The following SSR3 variants were observed in gnomAD, a reference collection of about 807,000 sequenced individuals.
SSR3 encodes signal sequence receptor subunit 3.
Under a neutral mutation model 22.1 loss-of-function variants are expected in SSR3, and 10 were observed. That is an observed-to-expected ratio of 0.45 (90% confidence interval 0.28 to 0.77). The LOEUF is 0.77. Ranked by LOEUF, SSR3 falls within the 30% of genes least tolerant of loss-of-function variation. SSR3 has a pLI of 0.13. For synonymous variants in SSR3, 104 were observed against 82.5 expected (o/e 1.26, Z -1.42); for missense variants, 181 against 220.5 (o/e 0.82, Z 1.13).
At chr3:156,554,861 G>A in intron 1 of SSR3, 96 bp downstream of exon 1, 3 of 1,489,876 alleles carry the variant, frequency 2.0e-6, no homozygotes, top group Non-Finnish European at 2.7e-6. Context: ...CCCCCGGCCG[G>A]CACCCACGCC....
intron 3 of SSR3, among the ~76,000 whole-genome samples, chr3:156,547,074 CTG>C (rs1322892615): frequency 1.3e-5 from 2 of 152,136 alleles, no homozygotes; most frequent in African/African-American, 4.8e-5. Context: ...ACAGTACAAA[CTG>C]TATCCCGTAT....
chr3:156,549,332 G>A (rs894324913), intron 2 of SSR3, among the ~76,000 whole-genome samples: 1 of 152,186 alleles, frequency 6.6e-6, no homozygotes, highest in Non-Finnish European at 1.5e-5. Flanking sequence ...ACTACATTTT[G>A]TTTTAACCTA....
At position 156,541,798 on chromosome 3, in the gene SSR3, A is replaced by G. The variant is rs1267489443; in HGVS notation, c.*1405T>C. The G allele has an allele frequency of 2.0e-5, 3 of 152,208 alleles. No individual in the cohort carries two copies. The highest frequency in any genetic ancestry group is 4.4e-5 in the Non-Finnish European group (3 of 68,028). The allele number at this position is 152,208 out of a possible 1,614,324, so 9.4% of individuals were successfully genotyped here. A position where few individuals can be genotyped will look rare whatever the true frequency, so the allele number is the denominator to read the frequency against. On this transcript the variant is annotated 3_prime_UTR_variant, in exon 5 of 5. Coordinates refer to ENST00000265044, the MANE Select transcript of SSR3 (RefSeq NM_007107.5). The stretch of plus-strand genomic sequence containing the variant: ...AGACTTCTAGAAGCAATGATGAAAT[A>G]TAATTCTCAGTTGCAGAAAATGATG...
intron 3 of SSR3, among the ~76,000 whole-genome samples, chr3:156,547,347 C>T (rs1719803118): frequency 1.3e-5 from 2 of 152,114 alleles, no homozygotes; most frequent in Admixed American, 1.3e-4. Flanking sequence ...CAAATCTGCC[C>T]AAGACTGCAG....
At chr3:156,543,686 A>C (rs1011280753) in intron 4 of SSR3, among the ~76,000 whole-genome samples, 1 of 152,228 alleles carries the variant, frequency 6.6e-6, no homozygotes, top group African/African-American at 2.4e-5. Flanking sequence ...GGAGGTTCTA[A>C]AAGTTCGAAG....
intron 2 of SSR3, 40 bp from the exon 3 acceptor site, chr3:156,549,043 A>G (rs757459839): frequency 6.3e-7 from 1 of 1,576,720 alleles, no homozygotes; most frequent in Non-Finnish European, 8.6e-7. Context: ...TCCATATGCT[A>G]CAGAGGTGAA....
In SSR3 at chr3:156,553,637, C is replaced by G; in HGVS notation, c.260+18G>C. On this transcript the variant is annotated intron_variant, in intron 2 of 4. Transcript: ENST00000265044. Reference sequence around the variant, plus strand: ...ATATAACATGTAGTACGTACTTTCACTTGAAAAACATACTTACTTGTGCTT... The same window carrying G: ...ATATAACATGTAGTACGTACTTTCAGTTGAAAAACATACTTACTTGTGCTT... 6.2e-7 allele frequency: 1 copy of G among 1,607,892 alleles called. No homozygotes were observed. Among genetic ancestry groups the G allele is most frequent in the Non-Finnish European group, 8.5e-7 (1 of 1,178,624 alleles).
chr3:156,542,063 T>G lies in SSR3; in HGVS notation c.*1140A>C, dbSNP rs1262348708. 1 of 152,226 alleles carries G rather than the reference T, an allele frequency of 6.6e-6. No individual in the cohort carries two copies. The highest frequency in any genetic ancestry group is 1.9e-4 in the East Asian group (1 of 5,204). 9.4% of individuals were successfully genotyped at this position (152,226 alleles called of 1,614,324 possible). ...TTGTAGGAAATTACTGAATGACAAC[T>G]GCTATCACCTGTGATTTCATATCCT... is the stretch of plus-strand genomic sequence containing the variant. On this transcript the variant is annotated 3_prime_UTR_variant, in exon 5 of 5. Transcript: ENST00000265044.
chr3:156,547,174 T>C (rs114835668), intron 3 of SSR3, among the ~76,000 whole-genome samples: 1,645 of 152,294 alleles, frequency 0.011, 26 homozygotes, highest in African/African-American at 0.038. Flanking sequence ...TGCACTTATA[T>C]ATATCCATGA....
intron 2 of SSR3, 87 bp from the exon 3 acceptor site, chr3:156,549,090 T>C: frequency 7.5e-7 from 1 of 1,335,512 alleles, no homozygotes; most frequent in Non-Finnish European, 1.0e-6. Flanking sequence ...TACTCATATT[T>C]CGTACTGGCA....
At position 156,540,312 on chromosome 3, in the gene SSR3, A is replaced by G. The variant is rs972002236; in HGVS notation, c.*2891T>C. 1 of 152,212 alleles carries G rather than the reference A, an allele frequency of 6.6e-6. No homozygotes were observed. Among genetic ancestry groups the G allele is most frequent in the African/African-American group, 2.4e-5 (1 of 41,442 alleles). 9.4% of individuals were successfully genotyped at this position (152,212 alleles called of 1,614,324 possible). ...AACCAGTAAACTTTTATTGCTTAAG[A>G]ATATCAATCTAGGCCGGGCGCGGTG... On this transcript the variant is annotated 3_prime_UTR_variant, in exon 5 of 5. Transcript: ENST00000265044.
At chr3:156,546,447 AGCTTTTAATGAAAG>A (rs1719766018) in intron 3 of SSR3, among the ~76,000 whole-genome samples, 1 of 152,208 alleles carries the variant, frequency 6.6e-6, no homozygotes, top group Non-Finnish European at 1.5e-5. Flanking sequence ...ATTTTCAAAA[AGCTTTTAATGAAAG>A]AAGTGGCCCA....
At chr3:156,543,318 T>C (rs552685799) in intron 4 of SSR3, 49 bp from the exon 5 acceptor site, 2 of 1,507,412 alleles carry the variant, frequency 1.3e-6, no homozygotes, top group African/African-American at 1.4e-5. Context: ...CAAATTGGTT[T>C]TTTGAGAAAA....
intron 1 of SSR3, among the ~76,000 whole-genome samples, chr3:156,554,565 A>C (rs996546160): frequency 6.6e-6 from 1 of 152,202 alleles, no homozygotes; most frequent in Non-Finnish European, 1.5e-5. Flanking sequence ...CACCTAACTA[A>C]TTTATGCAAA....
chr3:156,541,541 G>C lies in SSR3; in HGVS notation c.*1662C>G, dbSNP rs998378084. 6.6e-6 allele frequency: 1 copy of C among 152,170 alleles called. No homozygotes were observed. The highest frequency in any genetic ancestry group is 1.5e-5 in the Non-Finnish European group (1 of 68,066). 9.4% of individuals were successfully genotyped at this position (152,170 alleles called of 1,614,324 possible). A position where few individuals can be genotyped will look rare whatever the true frequency, so the allele number is the denominator to read the frequency against. Reference sequence around the variant, plus strand: ...CAGTTCTCCTGCTTCAGCCTCCCAAGTAGCTGAGATTACAGGCGCCCACCA... The same window carrying C: ...CAGTTCTCCTGCTTCAGCCTCCCAACTAGCTGAGATTACAGGCGCCCACCA... On this transcript the variant is annotated 3_prime_UTR_variant, in exon 5 of 5. Transcript: ENST00000265044.
intron 3 of SSR3, 174 bp downstream of exon 3, chr3:156,548,731 T>C: frequency 2.7e-6 from 2 of 729,648 alleles, no homozygotes; most frequent in Non-Finnish European, 4.4e-6. Context: ...TAAAAGTATC[T>C]GGTTGTAATA....
chr3:156,548,685 CTT>C, intron 3 of SSR3: 1 of 593,570 alleles, frequency 1.7e-6, no homozygotes, highest in Non-Finnish European at 2.9e-6. Flanking sequence ...TCACAGGACT[CTT>C]TAGAGGAATA....
At chr3:156,550,114 C>A (rs372360692) in intron 2 of SSR3, among the ~76,000 whole-genome samples, 74 of 152,200 alleles carry the variant, frequency 4.9e-4, no homozygotes, top group Admixed American at 1.8e-3. Flanking sequence ...ATTGTGAGAA[C>A]AGGAAAAATA....
intron 3 of SSR3, 26 bp downstream of exon 3, chr3:156,548,879 G>A: frequency 1.2e-6 from 2 of 1,609,412 alleles, no homozygotes; most frequent in South Asian, 1.1e-5. Flanking sequence ...CTTTTATGAT[G>A]GCCATACTTT....
Sources: gnomAD v4.1 joint callset for allele counts (sites outside exome capture counted in the v4.1 genomes callset) on GRCh38, gnomAD v4.1.1 for gene constraint, MANE v1.5 for transcripts, NCBI Gene and HGNC (gene_info 2026-07-23, HGNC 2026-07-21) for gene names.